SEC24D: variants seen among roughly 807,000 people sequenced by gnomAD.
SEC24D encodes SEC24 homolog D, COPII component.
In SEC24D, 69 loss-of-function variants were observed where a neutral mutation model predicts 116.9. The observed-to-expected ratio is 0.59, with a 90% CI of 0.49 to 0.72. The LOEUF (loss-of-function observed/expected upper bound fraction) is 0.72, where lower values mean the gene tolerates loss of function less well. Ranked by LOEUF, SEC24D falls within the 30% of genes least tolerant of loss-of-function variation. SEC24D has a pLI of 0.00. For synonymous variants in SEC24D, 405 were observed against 442.8 expected (o/e 0.91, Z 1.07); for missense variants, 1,131 against 1,264.1 (o/e 0.89, Z 1.60).
intron 6 of SEC24D, among the ~76,000 whole-genome samples, chr4:118,810,465 C>G (rs1408544835): frequency 1.3e-5 from 2 of 152,032 alleles, no homozygotes; most frequent in East Asian, 1.9e-4. Flanking sequence ...GCCTGAGGAG[C>G]CAGAAGAATG....
chr4:118,767,789 T>C (rs1578413823), intron 9 of SEC24D, among the ~76,000 whole-genome samples: 1 of 152,302 alleles, frequency 6.6e-6, no homozygotes, highest in East Asian at 1.9e-4. Flanking sequence ...ATCAATGAGC[T>C]GATTTTCAAG....
In SEC24D at chr4:118,810,137, T is replaced by TGTGTGTGTGTGTGTGTGTGTGTGTGG. The variant is rs56961502; in HGVS notation, c.802-4184_802-4183insCCACACACACACACACACACACACAC. 1.2e-4 allele frequency among the ~76,000 whole-genome samples: 13 copies of TGTGTGTGTGTGTGTGTGTGTGTGTGG among 104,280 alleles called. 1 individual carries two copies. The highest frequency in any genetic ancestry group is 2.9e-4 in the East Asian group (1 of 3,490). 68.4% of individuals were successfully genotyped at this position (104,280 alleles called of 152,430 possible). A position where few individuals can be genotyped will look rare whatever the true frequency, so the allele number is the denominator to read the frequency against. On this transcript the variant is annotated intron_variant, in intron 6 of 22. Transcript: ENST00000280551. ...GTGTGTGTGTGTGTGTGTGTGTGTG[T>TGTGTGTGTGTGTGTGTGTGTGTGTGG]CAGAGGGTATAGGGGAGCCAGGGGT...
chr4:118,797,680 T>C lies in SEC24D; in HGVS notation c.1041+3A>G, dbSNP rs1486449270. On this transcript the variant is annotated splice_donor_region_variant and intron_variant, in intron 8 of 22. Transcript: ENST00000280551. ...TTGAATTGCTATTATATATCATTCT[T>C]ACCTCATTTGAAGGAATGGTGGCAA... The C allele has an allele frequency of 6.3e-7, 1 of 1,592,818 alleles. No homozygotes were observed. The highest frequency in any genetic ancestry group is 8.6e-7 in the Non-Finnish European group (1 of 1,167,412).
intron 7 of SEC24D, among the ~76,000 whole-genome samples, chr4:118,801,866 C>A (rs758194729): frequency 1.3e-5 from 2 of 152,148 alleles, no homozygotes; most frequent in South Asian, 4.1e-4. Flanking sequence ...GTCTGGCTAC[C>A]GTGGATAATT....
chr4:118,817,096 T>C (rs1730180669), intron 4 of SEC24D, among the ~76,000 whole-genome samples, 168 bp downstream of exon 4: 1 of 152,194 alleles, frequency 6.6e-6, no homozygotes, highest in Admixed American at 6.5e-5. Flanking sequence ...AAGAAAACAA[T>C]TAACTATAGC....
rs1726115802 is a variant in SEC24D at position 118,739,246 on chromosome 4, A to C, written c.2280T>G (p.Leu760=). The C allele has an allele frequency of 6.2e-7, 1 of 1,613,734 alleles. No individual in the cohort carries two copies. The change falls in exon 18 of 23, where the codon CTT becomes CTG. Residue 760 remains leucine (L), a synonymous_variant. Coordinates refer to ENST00000280551, the MANE Select transcript of SEC24D (RefSeq NM_014822.4). ...LYTTISGQRR[L]RIHNLGLNCS... ...AGTTTAAGCCAAGATTGTGAATCCG[A>C]AGTCTTCTTTGACCACTGATTGTCG...
rs761755584 is a variant in SEC24D, at chr4:118,728,624, T to C, written c.2895A>G (p.Pro965=). ...TTATCATTCTGAGTTGTTGAGAGTA[T>C]GGGTTTCCCACTTCAGGCAGCAATG... ...DMTLLPEVGN[P]YSQQLRMIMG... The change falls in exon 22 of 23, where the codon CCA becomes CCG. Residue 965 remains proline (P), a synonymous_variant. Transcript: ENST00000280551. The C allele has an allele frequency of 1.9e-6, 3 of 1,610,398 alleles. No individual in the cohort carries two copies. The highest frequency in any genetic ancestry group is 1.7e-6 in the Non-Finnish European group (2 of 1,177,256).
intron 15 of SEC24D, among the ~76,000 whole-genome samples, chr4:118,743,649 G>A (rs1361550958): frequency 3.3e-5 from 5 of 152,104 alleles, no homozygotes; most frequent in Non-Finnish European, 5.9e-5. Context: ...CAGGCATTGG[G>A]CCACTGTGCC....
chr4:118,724,204 G>T (rs1008951746), intron 22 of SEC24D, among the ~76,000 whole-genome samples: 6 of 152,102 alleles, frequency 3.9e-5, no homozygotes, highest in Non-Finnish European at 8.8e-5. Context: ...CTGGGTGGGA[G>T]ATGATCAGGT....
intron 8 of SEC24D, among the ~76,000 whole-genome samples, chr4:118,791,722 C>T (rs12506245): frequency 0.59 from 89,731 of 151,682 alleles, 29,668 homozygotes; most frequent in Non-Finnish European, 0.72. Context: ...TACGGGGTTT[C>T]GCCGTGCTGG....
intron 6 of SEC24D, among the ~76,000 whole-genome samples, chr4:118,812,248 T>A (rs1729950404): frequency 2.0e-5 from 3 of 152,090 alleles, no homozygotes; most frequent in Admixed American, 2.0e-4. Flanking sequence ...TATGTCCATG[T>A]CCTAATCTCT....
intron 13 of SEC24D, among the ~76,000 whole-genome samples, chr4:118,745,429 T>C (rs1284604281): frequency 1.3e-5 from 2 of 152,186 alleles, no homozygotes; most frequent in Non-Finnish European, 2.9e-5. Context: ...TAATGTAAAG[T>C]AGATGGTAGA....
At chr4:118,817,011 T>C (rs1165049584) in intron 4 of SEC24D, among the ~76,000 whole-genome samples, 1 of 152,264 alleles carries the variant, frequency 6.6e-6, no homozygotes, top group Non-Finnish European at 1.5e-5. Context: ...TTTTGTCTTT[T>C]CTTATTGTTC....
chr4:118,786,638 T>G (rs10008072), intron 8 of SEC24D, among the ~76,000 whole-genome samples: 1,569 of 152,358 alleles, frequency 0.01, 25 homozygotes, highest in African/African-American at 0.036. Context: ...ATAAGGCATA[T>G]TCCTATTTTT....
chr4:118,788,056 T>A (rs377137407), intron 8 of SEC24D, among the ~76,000 whole-genome samples: 1 of 152,184 alleles, frequency 6.6e-6, no homozygotes, highest in Admixed American at 6.5e-5. Flanking sequence ...TGGCCTCAAG[T>A]GATTCTCTGA....
At chr4:118,824,899 G>C (rs1015614500) in intron 2 of SEC24D, 150 bp from the exon 3 acceptor site, 4 of 618,712 alleles carry the variant, frequency 6.5e-6, no homozygotes, top group Non-Finnish European at 1.1e-5. Context: ...ATCACCTACA[G>C]ACCTGTCAAT....
intron 11 of SEC24D, among the ~76,000 whole-genome samples, chr4:118,756,564 CA>C (rs1443918790): frequency 6.6e-6 from 1 of 152,088 alleles, no homozygotes; most frequent in African/African-American, 2.4e-5. Context: ...AATGGGCACC[CA>C]AAGATTCATG....
In SEC24D at chr4:118,752,782, C is replaced by T; in HGVS notation, c.1528G>A (p.Val510Met). Reference protein sequence around the residue: ...KSNLAQPQMMVVTDVGEVFVP... With the variant: ...KSNLAQPQMMMVTDVGEVFVP... ...AAGACTTCTCCAACATCAGTCACCA[C>T]CATCATCTGAGGCTGGGCCAGATTA... Residue 510 changes from valine to methionine, a missense_variant, in exon 12 of 23, where the codon GTG (valine) becomes ATG (methionine). Val to Met is a conservative substitution (Grantham distance 21). Transcript: ENST00000280551. 6.2e-7 allele frequency: 1 copy of T among 1,612,194 alleles called. No individual in the cohort carries two copies. Among genetic ancestry groups the T allele is most frequent in the Non-Finnish European group, 8.5e-7 (1 of 1,179,148 alleles).
chr4:118,808,979 C>CTTTT (rs11393316), intron 6 of SEC24D, among the ~76,000 whole-genome samples: 3 of 147,542 alleles, frequency 2.0e-5, no homozygotes, highest in Non-Finnish European at 3.0e-5. Flanking sequence ...CACCCAACTT[C>CTTTT]TTTTTTTTTT....
Sources: allele counts gnomAD v4.1 joint callset (sites outside exome capture counted in the v4.1 genomes callset), GRCh38; gene constraint gnomAD v4.1.1; transcripts MANE v1.5; gene names NCBI Gene and HGNC (gene_info 2026-07-23, HGNC 2026-07-21).